The following RALGAPA2 variants were observed in gnomAD, a reference collection of about 807,000 sequenced individuals.
RALGAPA2 encodes the protein ral GTPase-activating protein subunit alpha-2.
In RALGAPA2, 139 loss-of-function variants were observed where a neutral mutation model predicts 230.4. That is an observed-to-expected ratio of 0.60 (90% CI 0.53 to 0.69). RALGAPA2 has a LOEUF of 0.69. RALGAPA2 is among the 30% of genes least tolerant of loss of function. The pLI is 0.00. For missense variants in RALGAPA2, 2,163 were observed against 2,276.0 expected (o/e 0.95, Z 1.01); for synonymous variants, 847 against 837.8 (o/e 1.01, Z -0.19).
In RALGAPA2 at chr20:20,643,432, C is replaced by T. The variant is rs370573886; in HGVS notation, c.372+74G>A. On this transcript the variant is annotated intron_variant, in intron 5 of 39. Coordinates refer to ENST00000202677, the MANE Select transcript of RALGAPA2 (RefSeq NM_020343.4). ...TCTAAAGATCTTTTTTCCAAAATGC[C>T]CTAACATTGTTACTTTGTGGCATTA... 1,193 of 1,337,232 alleles carry T rather than the reference C, an allele frequency of 8.9e-4. 21 individuals are homozygous for T. In the South Asian group the frequency reaches 0.016, roughly 18 times the overall value. The allele number at this position is 1,337,232 out of a possible 1,614,324, so 82.8% of individuals were successfully genotyped here. A position where few individuals can be genotyped will look rare whatever the true frequency, so the allele number is the denominator to read the frequency against.
At chr20:20,656,209 T>A (rs1275891727) in intron 3 of RALGAPA2, among the ~76,000 whole-genome samples, 4 of 152,150 alleles carry the variant, frequency 2.6e-5, no homozygotes, top group Non-Finnish European at 5.9e-5. Context: ...AAAATGAAGG[T>A]AAAGCAAAAG....
intron 36 of RALGAPA2, among the ~76,000 whole-genome samples, chr20:20,491,851 AAAG>A (rs1602529830): frequency 6.6e-6 from 1 of 152,120 alleles, no homozygotes; most frequent in Non-Finnish European, 1.5e-5. Context: ...TAAATGAAAA[AAAG>A]AAGTTCAATA....
intron 1 of RALGAPA2, among the ~76,000 whole-genome samples, chr20:20,703,453 C>G (rs563622878): frequency 6.6e-6 from 1 of 152,162 alleles, no homozygotes. Flanking sequence ...CCTGAAAATG[C>G]TATTTGTATT....
At chr20:20,442,262 G>A (rs1047185295) in intron 37 of RALGAPA2, among the ~76,000 whole-genome samples, 16 of 152,158 alleles carry the variant, frequency 1.1e-4, no homozygotes, top group Admixed American at 7.2e-4. Context: ...TTATCACATC[G>A]TACACATTGT....
chr20:20,524,434 C>T lies in RALGAPA2; in HGVS notation c.3872G>A (p.Arg1291Lys), dbSNP rs1424804349. The change falls in exon 30 of 40, where the codon AGA becomes AAA. Residue 1291 changes from arginine to lysine, a missense_variant. Arg to Lys is a conservative substitution (Grantham distance 26, BLOSUM62 2). Transcript: ENST00000202677. Reference protein sequence around the residue: ...TAVLEEQHSARAPLLDYIYRV... With the variant: ...TAVLEEQHSAKAPLLDYIYRV... ...GTAGATATAATCCAGCAAGGGGGCT[C>T]TGGCCGAATGCTGCTCCTCTAGGAC... 1.9e-6 allele frequency: 3 copies of T among 1,613,886 alleles called. No individual in the cohort carries two copies. Among genetic ancestry groups the T allele is most frequent in the Non-Finnish European group, 2.5e-6 (3 of 1,179,840 alleles).
chr20:20,599,436 A>G (rs1016769410), intron 16 of RALGAPA2, among the ~76,000 whole-genome samples: 1 of 152,226 alleles, frequency 6.6e-6, no homozygotes, highest in South Asian at 2.1e-4. Context: ...TGTTTTCTAT[A>G]TACTGCTAGT....
At chr20:20,462,865 T>C (rs772337402) in intron 37 of RALGAPA2, among the ~76,000 whole-genome samples, 3 of 152,252 alleles carry the variant, frequency 2.0e-5, no homozygotes, top group African/African-American at 4.8e-5. Context: ...TTTTAGAGAT[T>C]TGAATAACAG....
rs1289265117 is a variant in RALGAPA2, at chr20:20,392,670, C to T, written c.*619G>A. The T allele has an allele frequency of 1.2e-5, 2 of 163,564 alleles. No homozygotes were observed. The highest frequency in any genetic ancestry group is 2.7e-5 in the Non-Finnish European group (2 of 74,310). 10.1% of individuals were successfully genotyped at this position (163,564 alleles called of 1,614,324 possible). A position where few individuals can be genotyped will look rare whatever the true frequency, so the allele number is the denominator to read the frequency against. On this transcript the variant is annotated 3_prime_UTR_variant, in exon 40 of 40. Coordinates refer to ENST00000202677, the MANE Select transcript of RALGAPA2 (RefSeq NM_020343.4). Reference sequence around the variant, plus strand: ...ACACTGGACAACTGAGGTAAAACTTCTCCTGGGCAAAAGACCCCGGGGAAA... The same window carrying T: ...ACACTGGACAACTGAGGTAAAACTTTTCCTGGGCAAAAGACCCCGGGGAAA...
intron 37 of RALGAPA2, among the ~76,000 whole-genome samples, chr20:20,470,716 C>T (rs2061520361): frequency 6.6e-6 from 1 of 152,202 alleles, no homozygotes; most frequent in South Asian, 2.1e-4. Context: ...TATTTGTCTG[C>T]AATCTCTCAA....
At chr20:20,562,552 G>A (rs1358527477) in intron 23 of RALGAPA2, among the ~76,000 whole-genome samples, 2 of 152,160 alleles carry the variant, frequency 1.3e-5, no homozygotes, top group Non-Finnish European at 2.9e-5. Context: ...ATTCATGTCT[G>A]ATAACATTTA....
In RALGAPA2 at chr20:20,541,632, C is replaced by T. The variant is rs558083254; in HGVS notation, c.3286-4848G>A. Among the ~76,000 whole-genome samples, 7 of 152,280 alleles carry T rather than the reference C, an allele frequency of 4.6e-5. No individual in the cohort carries two copies. The South Asian group carries it at 1.5e-3, about 32-fold the overall frequency. ...GACAGCTCAAGGTTTCATCATGCTA[C>T]TCAGAATGGGGTGCAATGTAAAGCT... On this transcript the variant is annotated intron_variant, in intron 24 of 39. Coordinates refer to ENST00000202677, the MANE Select transcript of RALGAPA2 (RefSeq NM_020343.4).
At chr20:20,507,804 A>C (rs1285281785) in intron 33 of RALGAPA2, among the ~76,000 whole-genome samples, 1 of 152,248 alleles carries the variant, frequency 6.6e-6, no homozygotes, top group Non-Finnish European at 1.5e-5. Context: ...TCCAAGAGCT[A>C]TAAAAATTTG....
At chr20:20,557,960 G>A (rs1001618609) in intron 23 of RALGAPA2, among the ~76,000 whole-genome samples, 1 of 151,934 alleles carries the variant, frequency 6.6e-6, no homozygotes, top group African/African-American at 2.4e-5. Flanking sequence ...TTTAATATTC[G>A]TGAATAATGG....
chr20:20,543,966 C>T (rs1047838983), intron 24 of RALGAPA2, among the ~76,000 whole-genome samples: 100 of 151,532 alleles, frequency 6.6e-4, no homozygotes, highest in African/African-American at 2.3e-3. Flanking sequence ...CAAACAACCC[C>T]ATATGAAAGT....
chr20:20,438,964 G>C (rs1458936407), intron 37 of RALGAPA2, among the ~76,000 whole-genome samples: 1 of 152,148 alleles, frequency 6.6e-6, no homozygotes, highest in African/African-American at 2.4e-5. Flanking sequence ...ATTGGGAAAG[G>C]CCCAATGTGC....
intron 37 of RALGAPA2, among the ~76,000 whole-genome samples, chr20:20,434,432 G>A (rs2060565241): frequency 6.6e-6 from 1 of 152,122 alleles, no homozygotes; most frequent in South Asian, 2.1e-4. Context: ...TCCCCTGTGA[G>A]CTGTGCAGGG....
chr20:20,585,025 C>G (rs1351894451), intron 18 of RALGAPA2, 70 bp from the exon 19 acceptor site: 1 of 920,798 alleles, frequency 1.1e-6, no homozygotes, highest in Non-Finnish European at 1.6e-6. Flanking sequence ...AAGTTTCTAG[C>G]CCAAATTTCT....
chr20:20,683,631 T>C (rs1276084163), intron 1 of RALGAPA2, among the ~76,000 whole-genome samples: 4 of 152,260 alleles, frequency 2.6e-5, no homozygotes, highest in South Asian at 4.1e-4. Context: ...GTAGACACTA[T>C]GTCTGTTCAT....
At chr20:20,708,015 T>C (rs914628097) in intron 1 of RALGAPA2, among the ~76,000 whole-genome samples, 2 of 152,184 alleles carry the variant, frequency 1.3e-5, no homozygotes, top group Non-Finnish European at 2.9e-5. Flanking sequence ...ATATGGCTAA[T>C]GAGCACTTGA....
Sources: allele counts gnomAD v4.1 joint callset (sites outside exome capture counted in the v4.1 genomes callset), GRCh38; gene constraint gnomAD v4.1.1; transcripts MANE v1.5; gene names NCBI Gene and HGNC (gene_info 2026-07-23, HGNC 2026-07-21).